CRYZ: variants seen among roughly 807,000 people sequenced by gnomAD.
CRYZ encodes the protein crystallin zeta, also known as zeta-crystallin.
CRYZ carries 35 observed loss-of-function variants against 34.1 expected under a neutral mutation model. The ratio of observed to expected loss-of-function variants is 1.03; its 90% CI spans 0.78 to 1.36. CRYZ has a LOEUF of 1.36. Among genes scored for constraint, CRYZ ranks in the 40% most tolerant of loss-of-function variants. The pLI is 0.00. For synonymous variants in CRYZ, 137 were observed against 136.5 expected, an observed-to-expected ratio of 1.00 and a Z score of -0.03; for missense variants, 403 against 391.8, an observed-to-expected ratio of 1.03 and a Z score of -0.24.
chr1:74,723,282 A>G lies in CRYZ; in HGVS notation c.112-12T>C, dbSNP rs1647197351. The G allele has an allele frequency of 1.2e-6, 2 of 1,607,430 alleles. No homozygotes were observed. The highest frequency in any genetic ancestry group is 1.7e-6 in the Non-Finnish European group (2 of 1,178,232). On this transcript the variant is annotated splice_polypyrimidine_tract_variant and intron_variant, in intron 2 of 8. Transcript: ENST00000340866. The stretch of plus-strand genomic sequence containing the variant: ...ACCTTGATTAGAACCTGCAATGACA[A>G]TGTATTTTAGTTCACAGAAAGAATT...
At position 74,710,190 on chromosome 1, in the gene CRYZ, C is replaced by T; in HGVS notation, c.538G>A (p.Ala180Thr). ...ATCTTTTGTCCTTCCTCAGTACCAG[C>T]AGTGCCCAAAATCTTTAAGCCATAA... ...RAYGLKILGT[A>T]GTEEGQKIVL... The change falls in exon 6 of 9, where the codon GCT becomes ACT. Residue 180 changes from alanine (A) to threonine (T), a missense_variant. Coordinates refer to ENST00000340866, the MANE Select transcript of CRYZ (RefSeq NM_001889.4). The T allele has an allele frequency of 6.2e-7, 1 of 1,613,886 alleles. No individual in the cohort carries two copies. Among genetic ancestry groups the T allele is most frequent in the South Asian group, 1.1e-5 (1 of 91,074 alleles).
At position 74,719,287 on chromosome 1, in the gene CRYZ, A is replaced by G; in HGVS notation, c.350T>C (p.Leu117Pro). Residue 117 changes from leucine to proline, a missense_variant, in exon 4 of 9, where the codon CTA (leucine) becomes CCA (proline). Coordinates refer to ENST00000340866, the MANE Select transcript of CRYZ (RefSeq NM_001889.4). ...TTGTTTAAAGTCCAGTTTTTCAGGTAGTTTGTAAACAGTGTGGTCTGCTGC... is the reference window on the plus strand; with the variant it reads ...TTGTTTAAAGTCCAGTTTTTCAGGTGGTTTGTAAACAGTGTGGTCTGCTGC... ...ALAADHTVYK[L>P]PEKLDFKQGA... The G allele has an allele frequency of 6.2e-7, 1 of 1,613,912 alleles. No individual in the cohort carries two copies. The highest frequency in any genetic ancestry group is 8.5e-7 in the Non-Finnish European group (1 of 1,179,798).
chr1:74,724,682 T>C (rs780395925), intron 2 of CRYZ, 29 bp downstream of exon 2: 14 of 1,347,970 alleles, frequency 1.0e-5, no homozygotes, highest in Admixed American at 7.3e-5. Flanking sequence ...AGTATAATTA[T>C]AGCCTCAATA....
Position 74,719,181 on chromosome 1 carries a change from C to T in CRYZ, c.428+28G>A, listed in dbSNP as rs1647118843. 3.1e-6 allele frequency: 5 copies of T among 1,605,956 alleles called. No homozygotes were observed. The East Asian group carries it at 8.9e-5, about 29-fold the overall frequency. On this transcript the variant is annotated intron_variant, in intron 4 of 8. Transcript: ENST00000340866. The stretch of plus-strand genomic sequence containing the variant: ...TAACACTACCCTCTTTTGGCATTGG[C>T]CATAAAATTGACAGAATGTGTTATT...
intron 3 of CRYZ, among the ~76,000 whole-genome samples, chr1:74,719,916 A>G (rs183827141): frequency 1.3e-4 from 20 of 152,258 alleles, no homozygotes; most frequent in Admixed American, 1.0e-3. Context: ...GAATGGCATC[A>G]TAATGATGTT....
rs984056346 is a variant in CRYZ at position 74,705,567 on chromosome 1, G to C, written c.*729C>G. 3 of 152,010 alleles carry C rather than the reference G, an allele frequency of 2.0e-5. No homozygotes were observed. Among genetic ancestry groups the C allele is most frequent in the African/African-American group, 7.2e-5 (3 of 41,404 alleles). 9.4% of individuals were successfully genotyped at this position (152,010 alleles called of 1,614,324 possible). On this transcript the variant is annotated 3_prime_UTR_variant, in exon 9 of 9. Transcript: ENST00000340866. ...AATTCTTAATTTATCAAATTTGTGA[G>C]CTTAATTAACAAAAATATTTGACCC...
chr1:74,706,679 T>A (rs1266323855), intron 8 of CRYZ, among the ~76,000 whole-genome samples: 1 of 152,076 alleles, frequency 6.6e-6, no homozygotes, highest in Non-Finnish European at 1.5e-5. Context: ...ATACCTGTTG[T>A]CCTGAAATTA....
chr1:74,729,646 C>CAAA (rs143083074), intron 1 of CRYZ, among the ~76,000 whole-genome samples: 2 of 68,492 alleles, frequency 2.9e-5, no homozygotes, highest in African/African-American at 5.1e-5. Flanking sequence ...GACCCTGTCT[C>CAAA]AAAAAAAAAA....
rs562110753 is a variant in CRYZ at position 74,732,544 on chromosome 1, G to A, written c.-14+412C>T. 1.0e-3 allele frequency among the ~76,000 whole-genome samples: 150 copies of A among 149,700 alleles called. 1 individual carries two copies. Among genetic ancestry groups the A allele is most frequent in the Middle Eastern group, 6.8e-3 (2 of 294 alleles). On this transcript the variant is annotated intron_variant, in intron 1 of 8. Transcript: ENST00000340866. ...GGACAGACCGCTGGGCGCTGCTGCAGGAATCCCCAAACCCAGGCACTGGCT... is the reference window on the plus strand; with the variant it reads ...GGACAGACCGCTGGGCGCTGCTGCAAGAATCCCCAAACCCAGGCACTGGCT...
At chr1:74,721,348 G>A (rs79673124) in intron 3 of CRYZ, among the ~76,000 whole-genome samples, 9,450 of 152,190 alleles carry the variant, frequency 0.062, 363 homozygotes, top group African/African-American at 0.09. Flanking sequence ...CATTACTGAA[G>A]AATAAACTAC....
chr1:74,722,979 G>T, intron 3 of CRYZ, 139 bp downstream of exon 3: 2 of 748,684 alleles, frequency 2.7e-6, no homozygotes, highest in African/African-American at 1.8e-5. Context: ...TTCCTTTTTT[G>T]ACTAGAGGAG....
intron 5 of CRYZ, among the ~76,000 whole-genome samples, chr1:74,712,648 G>A (rs1470133141): frequency 6.6e-6 from 1 of 152,156 alleles, no homozygotes; most frequent in Non-Finnish European, 1.5e-5. Flanking sequence ...TGATGGAGGA[G>A]AGAGACATCC....
chr1:74,732,908 G>A (rs905266953), intron 1 of CRYZ, 48 bp downstream of exon 1: 7 of 271,808 alleles, frequency 2.6e-5, no homozygotes, highest in Non-Finnish European at 1.4e-5. Context: ...CGAGCAGTGG[G>A]GAGATTCGCT....
chr1:74,724,688 C>G (rs1381497790), intron 2 of CRYZ, 23 bp downstream of exon 2: 1 of 1,433,144 alleles, frequency 7.0e-7, no homozygotes, highest in Non-Finnish European at 9.8e-7. Context: ...ATTATAGCCT[C>G]AATAAAGTAA....
chr1:74,727,127 A>G (rs540104215), intron 1 of CRYZ, among the ~76,000 whole-genome samples: 5 of 151,088 alleles, frequency 3.3e-5, no homozygotes, highest in African/African-American at 9.7e-5. Context: ...AACTGTTCCA[A>G]TTGTTACCCA....
intron 5 of CRYZ, among the ~76,000 whole-genome samples, chr1:74,714,137 G>A (rs1647040173): frequency 1.3e-5 from 2 of 151,990 alleles, no homozygotes; most frequent in Admixed American, 6.6e-5. Flanking sequence ...GAGATAGAAG[G>A]ACTAAGAATT....
At chr1:74,709,306 CT>C (rs1197657814) in intron 6 of CRYZ, among the ~76,000 whole-genome samples, 9 of 152,060 alleles carry the variant, frequency 5.9e-5, no homozygotes, top group African/African-American at 2.2e-4. Flanking sequence ...CATTTTTCAT[CT>C]TTGTGAATAT....
At chr1:74,729,050 T>G (rs187843607) in intron 1 of CRYZ, among the ~76,000 whole-genome samples, 246 of 151,976 alleles carry the variant, frequency 1.6e-3, no homozygotes, top group Middle Eastern at 3.4e-3. Flanking sequence ...AAAGTGAAAG[T>G]ATCAAGAAAA....
chr1:74,721,938 C>A (rs1444706702), intron 3 of CRYZ, among the ~76,000 whole-genome samples: 1 of 152,128 alleles, frequency 6.6e-6, no homozygotes, highest in Non-Finnish European at 1.5e-5. Flanking sequence ...GACTCAGGAA[C>A]TGAATTTTCA....
Sources: gnomAD v4.1 joint callset for allele counts (sites outside exome capture counted in the v4.1 genomes callset) on GRCh38, gnomAD v4.1.1 for gene constraint, MANE v1.5 for transcripts, NCBI Gene and HGNC (gene_info 2026-07-23, HGNC 2026-07-21) for gene names.